The following ZNF345 variants were observed in gnomAD, a reference collection of about 807,000 sequenced individuals.
ZNF345 encodes the protein zinc finger protein 345, also known as zinc finger protein HZF10.
For missense variants in ZNF345, 527 were observed against 589.9 expected (o/e 0.89, Z 1.10); for synonymous variants, 166 against 187.9 (o/e 0.88, Z 0.95).
intron 2 of ZNF345, among the ~76,000 whole-genome samples, chr19:36,875,079 A>C (rs986025752): frequency 6.6e-6 from 1 of 152,160 alleles, no homozygotes; most frequent in Admixed American, 6.5e-5. Context: ...ACCAGAGTTC[A>C]AGTTGATTAA....
At chr19:36,887,930 G>A (rs1416876581) in intron 3 of ZNF345, among the ~76,000 whole-genome samples, 2 of 152,108 alleles carry the variant, frequency 1.3e-5, no homozygotes, top group Non-Finnish European at 2.9e-5. Context: ...TAATAGTTAT[G>A]TGTACAGGAA....
At chr19:36,892,791 A>T in intron 3 of ZNF345, 1 of 552,456 alleles carries the variant, frequency 1.8e-6, no homozygotes, top group Non-Finnish European at 2.8e-6. Context: ...AATTAAAAAA[A>T]AAAAATTTTT....
At chr19:36,857,278 A>G in intron 2 of ZNF345, among the ~76,000 whole-genome samples, 1 of 151,920 alleles carries the variant, frequency 6.6e-6, no homozygotes, top group East Asian at 1.9e-4. Context: ...TACATAATTA[A>G]TGAATATATT....
intron 3 of ZNF345, chr19:36,891,770 TAGTA>T (rs1425834342): frequency 1.9e-6 from 3 of 1,613,998 alleles, no homozygotes; most frequent in Admixed American, 1.7e-5. Flanking sequence ...CTGTGATGGT[TAGTA>T]AGTGTTGAGG....
At chr19:36,864,200 A>G (rs546069112) in intron 2 of ZNF345, among the ~76,000 whole-genome samples, 2 of 152,246 alleles carry the variant, frequency 1.3e-5, no homozygotes, top group Admixed American at 6.5e-5. Flanking sequence ...AGTAAAGGAA[A>G]CTCTAAAAAC....
At chr19:36,869,800 C>T (rs1356261619) in intron 2 of ZNF345, among the ~76,000 whole-genome samples, 7 of 143,810 alleles carry the variant, frequency 4.9e-5, no homozygotes, top group East Asian at 2.0e-4. Context: ...CTTGCTCTGT[C>T]GCCCCGGCTG....
downstream of ZNF345, among the ~76,000 whole-genome samples, chr19:36,882,875 G>A (rs491951): frequency 0.073 from 11,031 of 151,960 alleles, 984 homozygotes; most frequent in African/African-American, 0.21. Context: ...ATTAAGCTTC[G>A]TGATTATATT....
chr19:36,863,502 A>G (rs2146157721), intron 2 of ZNF345, among the ~76,000 whole-genome samples: 1 of 152,314 alleles, frequency 6.6e-6, no homozygotes, highest in South Asian at 2.1e-4. Context: ...TCCCATCCGT[A>G]TGTCCCAACT....
intron 2 of ZNF345, among the ~76,000 whole-genome samples, chr19:36,868,900 C>T (rs1178516120): frequency 6.6e-6 from 1 of 152,008 alleles, no homozygotes; most frequent in Non-Finnish European, 1.5e-5. Flanking sequence ...CTGGGATTAC[C>T]GCCCCGCCTG....
chr19:36,872,145 CAT>C (rs1187517631), intron 2 of ZNF345, among the ~76,000 whole-genome samples: 1 of 152,152 alleles, frequency 6.6e-6, no homozygotes, highest in Non-Finnish European at 1.5e-5. Context: ...TTATTTGTCT[CAT>C]GGCTTTCTCA....
downstream of ZNF345, among the ~76,000 whole-genome samples, chr19:36,882,952 T>C (rs2072977414): frequency 1.3e-5 from 2 of 152,300 alleles, no homozygotes; most frequent in South Asian, 2.1e-4. Context: ...AGCTATATTG[T>C]TTCAAGGTCT....
chr19:36,860,019 G>A (rs1255747024), intron 2 of ZNF345, among the ~76,000 whole-genome samples: 2 of 151,970 alleles, frequency 1.3e-5, no homozygotes, highest in African/African-American at 2.4e-5. Flanking sequence ...GTGCAGGGGC[G>A]TGATCTCGGC....
Position 36,877,313 on chromosome 19 carries a change from T to G in ZNF345, c.483T>G (p.Leu161=). Residue 161 remains leucine (L), a synonymous_variant, in exon 3 of 3, where the codon CTT becomes CTG. Coordinates refer to ENST00000420450, the MANE Select transcript of ZNF345 (RefSeq NM_001242472.2). ...AAGCCTTTAGTTTTGGATCAGGCCT[T>G]ATTCGACATCAGATCATTCACAGTG... ...CGKAFSFGSG[L]IRHQIIHSGE... 6.2e-7 allele frequency: 1 copy of G among 1,614,028 alleles called. No homozygotes were observed. Among genetic ancestry groups the G allele is most frequent in the East Asian group, 2.2e-5 (1 of 44,836 alleles).
chr19:36,891,612 T>G lies in ZNF345; in HGVS notation c.47-1206T>G, dbSNP rs2073052827. On this transcript the variant is annotated intron_variant, in intron 3 of 3. Coordinates refer to the ZNF345 transcript ENST00000526123. ...GAATTCTCTGATGTCGAGTAAGATT[T>G]GAGCCTTTATTAAAGGCCTTCCCAC... 5.6e-6 allele frequency: 9 copies of G among 1,613,758 alleles called. No homozygotes were observed. The East Asian group carries it at 2.0e-4, about 36-fold the overall frequency.
chr19:36,861,817 C>T (rs1213415597), intron 2 of ZNF345, among the ~76,000 whole-genome samples: 2 of 151,796 alleles, frequency 1.3e-5, no homozygotes, highest in East Asian at 1.9e-4. Flanking sequence ...GCCTCAGCCT[C>T]CCAAAGTGCT....
At chr19:36,857,736 C>T (rs1054430260) in intron 2 of ZNF345, among the ~76,000 whole-genome samples, 1 of 152,160 alleles carries the variant, frequency 6.6e-6, no homozygotes, top group Non-Finnish European at 1.5e-5. Flanking sequence ...TACAAAATAG[C>T]ACTTAGAACA....
intron 2 of ZNF345, among the ~76,000 whole-genome samples, chr19:36,863,268 G>T (rs1455857148): frequency 6.6e-6 from 1 of 152,170 alleles, no homozygotes; most frequent in African/African-American, 2.4e-5. Context: ...CCTGGAATGA[G>T]AAGATGTTCC....
rs781733319 is a variant in ZNF345, at chr19:36,891,371, G to A, written c.47-1447G>A. ...TTTTGGTACTTGGTACTTTGTTATC[G>A]TATCGTTTAAAAACGAATACATAGG... On this transcript the variant is annotated intron_variant, in intron 3 of 3. Coordinates refer to the ZNF345 transcript ENST00000526123. 3.0e-5 allele frequency: 30 copies of A among 1,006,250 alleles called. 1 individual carries two copies. The highest frequency in any genetic ancestry group is 4.5e-4 in the Middle Eastern group (2 of 4,484). The allele number at this position is 1,006,250 out of a possible 1,614,324, so 62.3% of individuals were successfully genotyped here.
In ZNF345 at chr19:36,878,151, C is replaced by A; in HGVS notation, c.1321C>A (p.Leu441Ile). ...GAAGGCTTTTTATAGTGGCTCAAGCCTTACTCAGCATCAGAGAATTCATAC... is the reference window on the plus strand; with the variant it reads ...GAAGGCTTTTTATAGTGGCTCAAGCATTACTCAGCATCAGAGAATTCATAC... Reference protein sequence around the residue: ...CGKAFYSGSSLTQHQRIHTGE... With the variant: ...CGKAFYSGSSITQHQRIHTGE... The change falls in exon 3 of 3, where the codon CTT becomes ATT. Residue 441 changes from leucine to isoleucine, a missense_variant. Leu to Ile is a conservative substitution (Grantham distance 5). Transcript: ENST00000420450. 6.2e-7 allele frequency: 1 copy of A among 1,614,112 alleles called. No individual in the cohort carries two copies. The highest frequency in any genetic ancestry group is 2.2e-5 in the East Asian group (1 of 44,868).
Sources: allele counts gnomAD v4.1 joint callset (sites outside exome capture counted in the v4.1 genomes callset), GRCh38; gene constraint gnomAD v4.1.1; transcripts MANE v1.5; gene names NCBI Gene and HGNC (gene_info 2026-07-23, HGNC 2026-07-21).